ANKRD44: variants seen among roughly 807,000 people sequenced by gnomAD.
ANKRD44 encodes ankyrin repeat domain 44.
A neutral mutation model predicts 116.0 loss-of-function variants in ANKRD44; 35 were observed. The observed-to-expected ratio is 0.30, with a 90% CI of 0.23 to 0.40. The LOEUF is 0.40. ANKRD44 is among the 10% of genes least tolerant of loss of function. ANKRD44 has a pLI of 1.00. For missense variants in ANKRD44, 1,014 were observed against 1,242.6 expected (o/e 0.82, Z 2.77); for synonymous variants, 435 against 461.8 (o/e 0.94, Z 0.74).
chr2:197,044,571 G>A (rs1191194901), intron 16 of ANKRD44, among the ~76,000 whole-genome samples: 2 of 152,092 alleles, frequency 1.3e-5, no homozygotes, highest in Non-Finnish European at 2.9e-5. Context: ...ATGTTGGCCA[G>A]GCTGGTCTCA....
At chr2:197,310,000 C>G (rs960404275) in intron 1 of ANKRD44, among the ~76,000 whole-genome samples, 1 of 152,178 alleles carries the variant, frequency 6.6e-6, no homozygotes, top group South Asian at 2.1e-4. Flanking sequence ...GGGACCGGCC[C>G]GATCCGAAAG....
chr2:197,146,670 A>G (rs1475444179), intron 3 of ANKRD44, among the ~76,000 whole-genome samples: 1 of 152,088 alleles, frequency 6.6e-6, no homozygotes, highest in African/African-American at 2.4e-5. Flanking sequence ...TATACTCACT[A>G]TACATAGTGT....
chr2:197,217,845 T>C (rs1318568566), intron 1 of ANKRD44, among the ~76,000 whole-genome samples: 1 of 152,084 alleles, frequency 6.6e-6, no homozygotes, highest in Non-Finnish European at 1.5e-5. Flanking sequence ...AAGTCTGTGG[T>C]TCAGCACAGA....
chr2:197,178,377 A>G (rs1054027488), intron 2 of ANKRD44, among the ~76,000 whole-genome samples: 3 of 152,136 alleles, frequency 2.0e-5, no homozygotes, highest in African/African-American at 7.2e-5. Context: ...AAGCTGAGGC[A>G]GGAGGACTGC....
intron 1 of ANKRD44, among the ~76,000 whole-genome samples, chr2:197,275,428 C>CAAA (rs527811437): frequency 6.2e-5 from 6 of 97,256 alleles, no homozygotes; most frequent in East Asian, 5.9e-4. Flanking sequence ...CCAGTCTCTT[C>CAAA]AAAAAAAAAA....
chr2:197,196,578 T>C (rs1019206363), intron 1 of ANKRD44, among the ~76,000 whole-genome samples: 6 of 152,150 alleles, frequency 3.9e-5, no homozygotes, highest in Admixed American at 1.3e-4. Flanking sequence ...AAAATCAGCA[T>C]GTAGAAATGA....
chr2:197,247,384 T>G (rs1020146606), intron 1 of ANKRD44, among the ~76,000 whole-genome samples: 2 of 152,204 alleles, frequency 1.3e-5, no homozygotes, highest in Non-Finnish European at 2.9e-5. Flanking sequence ...GGCTTCCCAG[T>G]CCAGGAAACA....
intron 1 of ANKRD44, among the ~76,000 whole-genome samples, chr2:197,233,758 C>T (rs908609426): frequency 1.3e-5 from 2 of 152,356 alleles, no homozygotes; most frequent in Non-Finnish European, 2.9e-5. Context: ...TAAAACTACA[C>T]ACTTCAACTG....
intron 1 of ANKRD44, chr2:197,301,139 T>C (rs1473975683): frequency 6.6e-6 from 1 of 152,200 alleles, no homozygotes; most frequent in Non-Finnish European, 1.5e-5. Flanking sequence ...CTCATAAAAA[T>C]ATTAGGATTA....
chr2:197,099,530 G>A (rs2078240406), intron 10 of ANKRD44: 4 of 1,123,678 alleles, frequency 3.6e-6, no homozygotes, highest in South Asian at 5.3e-5. Flanking sequence ...GCATTGGGAA[G>A]GACAGAAGAA....
intron 1 of ANKRD44, among the ~76,000 whole-genome samples, chr2:197,281,420 T>C (rs531100129): frequency 6.6e-6 from 1 of 152,180 alleles, no homozygotes; most frequent in African/African-American, 2.4e-5. Context: ...ACCTTTTTGG[T>C]AGGTAGTTGT....
chr2:197,045,444 CTGTGTTATT>C (rs2076984601), intron 16 of ANKRD44, among the ~76,000 whole-genome samples: 1 of 145,128 alleles, frequency 6.9e-6, no homozygotes, highest in South Asian at 2.2e-4. Context: ...TTATTTCCAC[CTGTGTTATT>C]CATTCATAGC....
intron 2 of ANKRD44, among the ~76,000 whole-genome samples, chr2:197,156,143 A>G (rs540138009): frequency 1.6e-4 from 24 of 152,292 alleles, no homozygotes; most frequent in East Asian, 5.8e-4. Context: ...TCAGGAGATC[A>G]AGATCATCCT....
chr2:197,193,213 T>G (rs1054950614), intron 1 of ANKRD44, among the ~76,000 whole-genome samples: 2 of 152,192 alleles, frequency 1.3e-5, no homozygotes, highest in Admixed American at 6.5e-5. Flanking sequence ...TTTTGGAACA[T>G]TTAATCCTTT....
At chr2:197,064,661 G>A (rs1176016211) in intron 16 of ANKRD44, among the ~76,000 whole-genome samples, 1 of 151,956 alleles carries the variant, frequency 6.6e-6, no homozygotes, top group African/African-American at 2.4e-5. Flanking sequence ...TCCTAGTCTT[G>A]GATAAAACAG....
At chr2:197,238,714 T>A (rs1308397841) in intron 1 of ANKRD44, among the ~76,000 whole-genome samples, 2 of 151,898 alleles carry the variant, frequency 1.3e-5, no homozygotes, top group African/African-American at 4.8e-5. Flanking sequence ...TTTTTTTTAA[T>A]TTATTTTTTA....
At chr2:197,246,068 AAGACC>A (rs1439908711) in intron 1 of ANKRD44, among the ~76,000 whole-genome samples, 3 of 152,214 alleles carry the variant, frequency 2.0e-5, no homozygotes, top group Non-Finnish European at 2.9e-5. Context: ...AGTCCTGATG[AAGACC>A]AGGCTTTGAA....
intron 2 of ANKRD44, among the ~76,000 whole-genome samples, chr2:197,171,999 C>T (rs72926665): frequency 0.029 from 1,266 of 43,620 alleles, 314 homozygotes; most frequent in East Asian, 0.073. Flanking sequence ...TATTTTTCTT[C>T]TTTTTTTTTT....
At chr2:197,183,326 A>G (rs1006229101) in intron 2 of ANKRD44, among the ~76,000 whole-genome samples, 4 of 152,104 alleles carry the variant, frequency 2.6e-5, no homozygotes, top group African/African-American at 9.7e-5. Context: ...GAAAGAAAGA[A>G]AAGCAAGGGG....
Sources: allele counts gnomAD v4.1 joint callset (sites outside exome capture counted in the v4.1 genomes callset), GRCh38; gene constraint gnomAD v4.1.1; transcripts MANE v1.5; gene names NCBI Gene and HGNC (gene_info 2026-07-23, HGNC 2026-07-21).